The following LY9 variants were observed in gnomAD, a reference collection of about 807,000 sequenced individuals.
LY9 encodes the protein lymphocyte antigen 9.
Under a neutral mutation model 64.6 loss-of-function variants are expected in LY9, and 59 were observed. That is an observed-to-expected ratio of 0.91 (90% CI 0.74 to 1.13). The LOEUF (loss-of-function observed/expected upper bound fraction) is 1.13. Ranked by LOEUF, LY9 falls within the 50% of genes most tolerant of loss-of-function variation. The pLI is 0.00. For missense variants in LY9, 789 were observed against 797.2 expected, an observed-to-expected ratio of 0.99 and a Z score of 0.12; for synonymous variants, 281 against 308.5, an observed-to-expected ratio of 0.91 and a Z score of 0.93.
intron 7 of LY9, among the ~76,000 whole-genome samples, chr1:160,821,567 C>T (rs1454288845): frequency 6.6e-6 from 1 of 152,124 alleles, no homozygotes; most frequent in Non-Finnish European, 1.5e-5. Context: ...AGTTTCTTTG[C>T]AGACTATTTC....
chr1:160,813,859 C>T lies in LY9; in HGVS notation c.678C>T (p.Asn226=), dbSNP rs1487780697. The part of the protein sequence containing the change: ...PDLPYICTAQ[N]PVSQRSSLPV... ...TGCCATACATCTGCACAGCCCAGAA[C>T]CCCGTCAGCCAGAGAAGCTCCCTCC... Residue 226 remains asparagine, a synonymous_variant, in exon 3 of 10, where the codon AAC becomes AAT. Coordinates refer to ENST00000263285, the MANE Select transcript of LY9 (RefSeq NM_002348.4). 2 of 1,614,050 alleles carry T rather than the reference C, an allele frequency of 1.2e-6. No homozygotes were observed. Among genetic ancestry groups the T allele is most frequent in the African/African-American group, 1.3e-5 (1 of 74,914 alleles).
At chr1:160,823,929 A>G (rs1668685956) in intron 8 of LY9, 133 bp downstream of exon 8, 4 of 794,726 alleles carry the variant, frequency 5.0e-6, no homozygotes, top group East Asian at 2.6e-5. Flanking sequence ...GCAGGGACTC[A>G]TGGCTGTGTC....
intron 1 of LY9, chr1:160,798,717 T>G (rs1295317576): frequency 6.6e-6 from 1 of 152,310 alleles, no homozygotes; most frequent in Non-Finnish European, 1.5e-5. Context: ...GTCTGCATAT[T>G]CTGTATCCTC....
intron 5 of LY9, among the ~76,000 whole-genome samples, chr1:160,817,974 A>G (rs1252093804): frequency 6.6e-6 from 1 of 152,078 alleles, no homozygotes; most frequent in Non-Finnish European, 1.5e-5. Flanking sequence ...CACTTGAAAC[A>G]CTGTGACACT....
chr1:160,799,596 C>T (rs1666244030), intron 1 of LY9, 157 bp from the exon 2 acceptor site: 2 of 582,512 alleles, frequency 3.4e-6, no homozygotes, highest in Non-Finnish European at 6.1e-6. Flanking sequence ...GAATTAATGA[C>T]TGTGCTAGGC....
intron 7 of LY9, among the ~76,000 whole-genome samples, chr1:160,822,094 A>G (rs955378380): frequency 5.3e-5 from 8 of 152,188 alleles, no homozygotes; most frequent in Admixed American, 6.5e-5. Context: ...TGAAGGGGCT[A>G]TGTTGTCTGA....
intron 1 of LY9, among the ~76,000 whole-genome samples, chr1:160,797,923 T>C (rs1435493952): frequency 6.6e-6 from 1 of 152,138 alleles, no homozygotes; most frequent in Non-Finnish European, 1.5e-5. Flanking sequence ...GAAGCTATGA[T>C]TGTTATTATT....
chr1:160,813,493 C>A, intron 2 of LY9, 143 bp from the exon 3 acceptor site: 2 of 726,848 alleles, frequency 2.8e-6, no homozygotes. Flanking sequence ...GTCAACCCAG[C>A]CTGCAGAGAA....
intron 1 of LY9, among the ~76,000 whole-genome samples, chr1:160,797,862 T>TACAC (rs57306367): frequency 0.019 from 2,896 of 150,700 alleles, 99 homozygotes; most frequent in African/African-American, 0.067. Flanking sequence ...AGATGATCTA[T>TACAC]ACACACACAC....
chr1:160,807,602 C>A (rs532539470), intron 2 of LY9, among the ~76,000 whole-genome samples: 5 of 152,230 alleles, frequency 3.3e-5, no homozygotes, highest in Middle Eastern at 3.4e-3. Context: ...GGCTCTCAGG[C>A]CCCCTGGCAG....
At chr1:160,822,533 A>AAG (rs1181342668) in intron 7 of LY9, among the ~76,000 whole-genome samples, 32 of 152,170 alleles carry the variant, frequency 2.1e-4, no homozygotes, top group Non-Finnish European at 2.2e-4. Context: ...TCACCCATGC[A>AAG]AGCTCCCAGC....
intron 7 of LY9, among the ~76,000 whole-genome samples, chr1:160,819,865 G>T (rs1668276046): frequency 7.3e-6 from 1 of 136,134 alleles, no homozygotes; most frequent in African/African-American, 2.7e-5. Flanking sequence ...GGGAGGGAGG[G>T]AGGGAGGGAG....
Position 160,814,436 on chromosome 1 carries a change from A to G in LY9, c.747A>G (p.Arg249=), listed in dbSNP as rs1667774653. ...GQFCTDPGAS[R]GGTTGETVVG... Reference sequence around the variant, plus strand: ...TGACCCCAGATCCAGGAGCCTCCAGAGGAGGAACAACGGGGGAGACTGTGG... The same window carrying G: ...TGACCCCAGATCCAGGAGCCTCCAGGGGAGGAACAACGGGGGAGACTGTGG... Residue 249 remains arginine, a synonymous_variant, in exon 4 of 10, where the codon AGA becomes AGG. Transcript: ENST00000263285. 6.2e-7 allele frequency: 1 copy of G among 1,611,012 alleles called. No homozygotes were observed. The highest frequency in any genetic ancestry group is 8.5e-7 in the Non-Finnish European group (1 of 1,178,094).
chr1:160,802,646 T>C, intron 2 of LY9: 3 of 985,542 alleles, frequency 3.0e-6, no homozygotes, highest in Non-Finnish European at 3.6e-6. Flanking sequence ...TTGGTGAAAA[T>C]GCTGCTTTCC....
chr1:160,803,298 T>TG (rs1666683877), intron 2 of LY9, among the ~76,000 whole-genome samples: 1 of 151,782 alleles, frequency 6.6e-6, no homozygotes, highest in Non-Finnish European at 1.5e-5. Flanking sequence ...AAATTTTTTT[T>TG]TTTAAAAAGT....
At chr1:160,804,533 T>C (rs1666792019) in intron 2 of LY9, among the ~76,000 whole-genome samples, 1 of 152,224 alleles carries the variant, frequency 6.6e-6, no homozygotes, top group African/African-American at 2.4e-5. Flanking sequence ...TCAGGAATAT[T>C]GGCCTGTAGT....
intron 9 of LY9, 49 bp from the exon 10 acceptor site, chr1:160,827,699 C>A: frequency 6.8e-7 from 1 of 1,459,938 alleles, no homozygotes; most frequent in South Asian, 1.2e-5. Flanking sequence ...CAGCCTCACT[C>A]TTCCAAGGCT....
chr1:160,801,929 C>G (rs757530163), intron 2 of LY9: 23 of 1,612,212 alleles, frequency 1.4e-5, no homozygotes, highest in African/African-American at 6.7e-5. Flanking sequence ...CCCTCGCCCC[C>G]ACCTGCCACT....
intron 2 of LY9, 157 bp from the exon 3 acceptor site, chr1:160,813,479 G>A: frequency 1.5e-6 from 1 of 651,064 alleles, no homozygotes. Context: ...ACAGAGGAGA[G>A]GCTGTCAACC....
Sources: allele counts gnomAD v4.1 joint callset (sites outside exome capture counted in the v4.1 genomes callset), GRCh38; gene constraint gnomAD v4.1.1; transcripts MANE v1.5; gene names NCBI Gene and HGNC (gene_info 2026-07-23, HGNC 2026-07-21).